The following GTPBP4 variants were observed in gnomAD, a reference collection of about 807,000 sequenced individuals.
GTPBP4 encodes GTP-binding protein 4.
In GTPBP4, 15 loss-of-function variants were observed where a neutral mutation model predicts 81.7. The observed-to-expected ratio is 0.18, with a 90% CI of 0.12 to 0.28. The LOEUF (loss-of-function observed/expected upper bound fraction) is 0.28, where lower values mean the gene tolerates loss of function less well. Among genes scored for constraint, GTPBP4 ranks in the 10% least tolerant of loss-of-function variants. GTPBP4 has a pLI of 1.00. For missense variants in GTPBP4, 847 were observed against 793.8 expected (o/e 1.07, Z -0.81); for synonymous variants, 272 against 274.6 (o/e 0.99, Z 0.09).
chr10:990,862 T>G (rs1466625436), intron 1 of GTPBP4, among the ~76,000 whole-genome samples: 1 of 147,122 alleles, frequency 6.8e-6, no homozygotes, highest in South Asian at 2.2e-4. Flanking sequence ...AGTTGGAGAG[T>G]CAGGGGGAAC....
intron 1 of GTPBP4, among the ~76,000 whole-genome samples, chr10:990,595 C>T (rs1331203840): frequency 4.6e-5 from 7 of 151,120 alleles, no homozygotes; most frequent in South Asian, 2.1e-4. Context: ...TGGTGGCGGG[C>T]GCCTGTAGTC....
At chr10:992,399 CAAAAAA>C (rs545128429) in intron 1 of GTPBP4, 84 bp from the exon 2 acceptor site, 12 of 572,468 alleles carry the variant, frequency 2.1e-5, no homozygotes, top group Admixed American at 8.4e-5. Context: ...GACTCTGTCT[CAAAAAA>C]AAAAAAAAAA....
At chr10:1,004,771 C>T (rs113714447) in intron 8 of GTPBP4, among the ~76,000 whole-genome samples, 4 of 152,298 alleles carry the variant, frequency 2.6e-5, no homozygotes, top group African/African-American at 4.8e-5. Context: ...CTGCTCACAG[C>T]TGGCTTGGGG....
chr10:993,637 T>C (rs1336543030), intron 2 of GTPBP4, among the ~76,000 whole-genome samples: 1 of 152,170 alleles, frequency 6.6e-6, no homozygotes, highest in Non-Finnish European at 1.5e-5. Context: ...GTAATGTGGT[T>C]GCAAGGTTAA....
intron 2 of GTPBP4, among the ~76,000 whole-genome samples, chr10:993,210 T>G (rs1208535205): frequency 6.6e-6 from 1 of 152,194 alleles, no homozygotes; most frequent in Non-Finnish European, 1.5e-5. Flanking sequence ...GCCAGAAACC[T>G]TGAGCTCCTT....
At chr10:1,009,146 C>A in intron 11 of GTPBP4, 111 bp downstream of exon 11, 2 of 738,224 alleles carry the variant, frequency 2.7e-6, no homozygotes, top group African/African-American at 1.7e-5. Context: ...CAGACACTGG[C>A]CCCGTCAGGC....
At chr10:1,016,405 T>C (rs920520089) in intron 16 of GTPBP4, among the ~76,000 whole-genome samples, 1 of 152,268 alleles carries the variant, frequency 6.6e-6, no homozygotes, top group Non-Finnish European at 1.5e-5. Context: ...ACAGTCTGTC[T>C]TGCTGAAACG....
chr10:998,421 A>C (rs192252304), intron 5 of GTPBP4, among the ~76,000 whole-genome samples: 3 of 152,238 alleles, frequency 2.0e-5, no homozygotes, highest in Admixed American at 2.0e-4. Context: ...TTTGCTTTGA[A>C]ATAGATTTGT....
Position 1,017,316 on chromosome 10 carries a change from A to G in GTPBP4, c.*89A>G. 1 of 1,215,982 alleles carries G rather than the reference A, an allele frequency of 8.2e-7. No homozygotes were observed. The highest frequency in any genetic ancestry group is 1.2e-6 in the Non-Finnish European group (1 of 855,630). 75.3% of individuals were successfully genotyped at this position (1,215,982 alleles called of 1,614,324 possible). On this transcript the variant is annotated 3_prime_UTR_variant, in exon 17 of 17. Coordinates refer to ENST00000360803, the MANE Select transcript of GTPBP4 (RefSeq NM_012341.3). ...TGGTTTCATGAAATTGGAGCTCTGT[A>G]TAAACTGAAAAAGACAAAATAAGTA...
At chr10:991,051 G>A (rs939744565) in intron 1 of GTPBP4, among the ~76,000 whole-genome samples, 1 of 151,754 alleles carries the variant, frequency 6.6e-6, no homozygotes, top group African/African-American at 2.4e-5. Flanking sequence ...AGGCCCAGAG[G>A]GGAGACAGTG....
chr10:996,927 A>G, intron 4 of GTPBP4: 1 of 404,710 alleles, frequency 2.5e-6, no homozygotes, highest in South Asian at 2.7e-5. Context: ...ACACTGCCAG[A>G]CATGCTGTTG....
chr10:1,011,108 C>T (rs10904599), intron 13 of GTPBP4, among the ~76,000 whole-genome samples: 17,231 of 72,314 alleles, frequency 0.24, 796 homozygotes, highest in African/African-American at 0.31. Flanking sequence ...CCTCTTCCCC[C>T]CACCCCGAGA....
At chr10:990,310 AGT>A (rs1831419701) in intron 1 of GTPBP4, among the ~76,000 whole-genome samples, 1 of 152,120 alleles carries the variant, frequency 6.6e-6, no homozygotes, top group African/African-American at 2.4e-5. Context: ...ACATCGGGAA[AGT>A]GTGGTATTCA....
At position 997,295 on chromosome 10, in the gene GTPBP4, G is replaced by C. The variant is rs1308332914; in HGVS notation, c.548G>C (p.Ser183Thr). The change falls in exon 5 of 17, where the codon AGC becomes ACC. Residue 183 changes from serine to threonine, a missense_variant. Physicochemically the swap from Ser to Thr is moderately conservative, Grantham distance 58. Coordinates refer to ENST00000360803, the MANE Select transcript of GTPBP4 (RefSeq NM_012341.3). ...LCGYPNVGKSSFINKVTRADV... is the reference protein window; with the variant it reads ...LCGYPNVGKSTFINKVTRADV... ...GGGTACCCAAATGTTGGGAAGTCCA[G>C]CTTCATCAACAAGGTTGGTCTGGTT... 2 of 1,575,960 alleles carry C rather than the reference G, an allele frequency of 1.3e-6. No homozygotes were observed. Among genetic ancestry groups the C allele is most frequent in the South Asian group, 1.1e-5 (1 of 90,390 alleles).
chr10:993,436 G>A (rs1831483159), intron 2 of GTPBP4, among the ~76,000 whole-genome samples: 1 of 152,044 alleles, frequency 6.6e-6, no homozygotes, highest in Non-Finnish European at 1.5e-5. Context: ...TAGTAGAAAT[G>A]GGGTTTCACC....
At position 996,207 on chromosome 10, in the gene GTPBP4, A is replaced by C. The variant is rs1205769735; in HGVS notation, c.425A>C (p.Lys142Thr). 5.6e-6 allele frequency: 9 copies of C among 1,613,928 alleles called. No homozygotes were observed. The highest frequency in any genetic ancestry group is 7.6e-6 in the Non-Finnish European group (9 of 1,179,880). The change falls in exon 4 of 17, where the codon AAG becomes ACG. Residue 142 changes from lysine to threonine, a missense_variant. Physicochemically the swap from Lys to Thr is moderately conservative, Grantham distance 78. Around this residue, in one of 3 missense-constraint regions of GTPBP4, gnomAD observed 241 missense variants for 216.3 expected, o/e 1.11. Transcript: ENST00000360803. ...CTGGGACGGATGTGCACAGTGATCAAGAGGCAGAAGCAGAGTTTGGAGTAT... is the reference window on the plus strand; with the variant it reads ...CTGGGACGGATGTGCACAGTGATCACGAGGCAGAAGCAGAGTTTGGAGTAT... Reference protein sequence around the residue: ...AALGRMCTVIKRQKQSLEYLE... With the variant: ...AALGRMCTVITRQKQSLEYLE...
Position 1,018,405 on chromosome 10 carries a change from CAG to C in GTPBP4, c.*1186_*1187del, listed in dbSNP as rs1329261887. 5 of 145,906 alleles carry C rather than the reference CAG, an allele frequency of 3.4e-5. No individual in the cohort carries two copies. Among genetic ancestry groups the C allele is most frequent in the African/African-American group, 1.0e-4 (4 of 38,852 alleles). The allele number at this position is 145,906 out of a possible 1,614,324, so 9.0% of individuals were successfully genotyped here. ...TGCCACTGCACTCCAGCCTGGGTGA[CAG>C]AGAGAGACTCCGTGTGAAAAAAAAA... On this transcript the variant is annotated 3_prime_UTR_variant, in exon 17 of 17. Transcript: ENST00000360803.
chr10:1,000,667 G>T lies in GTPBP4; in HGVS notation c.655-10G>T. On this transcript the variant is annotated splice_polypyrimidine_tract_variant and intron_variant, in intron 6 of 16. Coordinates refer to ENST00000360803, the MANE Select transcript of GTPBP4 (RefSeq NM_012341.3). Reference sequence around the variant, plus strand: ...AGTGTGCTTTCAGTGACAAGGTCTGGCTGTGTTAGGTTGTAGACACTCCTG... The same window carrying T: ...AGTGTGCTTTCAGTGACAAGGTCTGTCTGTGTTAGGTTGTAGACACTCCTG... 8 of 1,490,856 alleles carry T rather than the reference G, an allele frequency of 5.4e-6. No individual in the cohort carries two copies. The highest frequency in any genetic ancestry group is 7.2e-6 in the Non-Finnish European group (8 of 1,117,674). 92.4% of individuals were successfully genotyped at this position (1,490,856 alleles called of 1,614,324 possible). A position where few individuals can be genotyped will look rare whatever the true frequency, so the allele number is the denominator to read the frequency against.
chr10:1,007,170 C>G (rs373301028), intron 10 of GTPBP4, 42 bp downstream of exon 10: 9 of 1,080,052 alleles, frequency 8.3e-6, no homozygotes, highest in Non-Finnish European at 1.0e-5. Flanking sequence ...ACAGTACTGT[C>G]AGCAGGTGCT....
Sources: allele counts gnomAD v4.1 joint callset (sites outside exome capture counted in the v4.1 genomes callset), GRCh38; gene constraint gnomAD v4.1.1; regional missense constraint gnomAD v4.1.1; transcripts MANE v1.5; gene names NCBI Gene and HGNC (gene_info 2026-07-23, HGNC 2026-07-21).